H2BC18: variants seen among roughly 807,000 people sequenced by gnomAD.
H2BC18 encodes the protein histone H2B type 2-F.
H2BC18 carries 8 observed loss-of-function variants against 6.3 expected under a neutral mutation model. The ratio of observed to expected loss-of-function variants is 1.28; its 90% confidence interval spans 0.75 to 2.31. The LOEUF (loss-of-function observed/expected upper bound fraction) is 2.31, where lower values mean the gene tolerates loss of function less well. Among genes scored for constraint, H2BC18 ranks in the 30% most tolerant of loss-of-function variants. H2BC18 has a pLI of 0.00. For missense variants in H2BC18, 106 were observed against 174.5 expected, an observed-to-expected ratio of 0.61 and a Z score of 2.21; for synonymous variants, 104 against 78.1, an observed-to-expected ratio of 1.33 and a Z score of -1.75.
intron 1 of H2BC18, chr1:149,790,281 G>A: frequency 2.5e-6 from 4 of 1,587,660 alleles, no homozygotes; most frequent in Non-Finnish European, 3.4e-6. Flanking sequence ...GTGCGAGGCT[G>A]CCACAGAGGA....
intron 1 of H2BC18, chr1:149,803,524 C>CT (rs1254876690): frequency 5.9e-5 from 9 of 152,202 alleles, no homozygotes; most frequent in African/African-American, 2.2e-4. Flanking sequence ...CTAGATATCT[C>CT]TCTCTCCCCC....
intron 1 of H2BC18, chr1:149,789,983 G>C: frequency 6.2e-7 from 1 of 1,612,954 alleles, no homozygotes; most frequent in Non-Finnish European, 8.5e-7. Context: ...AGGGGGTAAA[G>C]GGCATGTCTT....
chr1:149,807,010 G>A (rs587634050), downstream of H2BC18, among the ~76,000 whole-genome samples: 1 of 152,142 alleles, frequency 6.6e-6, no homozygotes, highest in African/African-American at 2.4e-5. Context: ...TGCTTTGTGG[G>A]AAATATAGGA....
At chr1:149,809,969 AAGG>A (rs1246563856), downstream of H2BC18, among the ~76,000 whole-genome samples, 1 of 150,808 alleles carries the variant, frequency 6.6e-6, no homozygotes, top group African/African-American at 2.4e-5. Flanking sequence ...ACAAGTGAAG[AAGG>A]TAAGTTTTGG....
At chr1:149,788,341 T>C in intron 1 of H2BC18, 1 of 1,612,028 alleles carries the variant, frequency 6.2e-7, no homozygotes. Flanking sequence ...ACTGTATACA[T>C]ACATTTTGGG....
chr1:149,797,520 G>A (rs1553752897), intron 1 of H2BC18, among the ~76,000 whole-genome samples: 1 of 152,052 alleles, frequency 6.6e-6, no homozygotes, highest in African/African-American at 2.4e-5. Flanking sequence ...GGAATAGGAA[G>A]GTATGATCTG....
At chr1:149,792,839 G>A (rs1267168499) in intron 1 of H2BC18, 1 of 1,274,540 alleles carries the variant, frequency 7.8e-7, no homozygotes, top group Non-Finnish European at 1.0e-6. Flanking sequence ...GCGGATGGAA[G>A]AGAGCAAGGG....
At position 149,792,955 on chromosome 1, in the gene H2BC18, G is replaced by C. The variant is rs782135374; in HGVS notation, c.378-9695C>G. The stretch of plus-strand genomic sequence containing the variant: ...GGTGTGAAAACCCGGCGGCAGAATG[G>C]AAGTTCGGTAGTCTGCGAGGGCCCG... On this transcript the variant is annotated intron_variant, in intron 1 of 1. Coordinates refer to the H2BC18 transcript ENST00000545683. 5 of 1,275,390 alleles carry C rather than the reference G, an allele frequency of 3.9e-6. No individual in the cohort carries two copies. The South Asian group carries it at 5.0e-5, about 13-fold the overall frequency. The allele number at this position is 1,275,390 out of a possible 1,614,324, so 79.0% of individuals were successfully genotyped here.
downstream of H2BC18, among the ~76,000 whole-genome samples, chr1:149,807,967 T>C (rs2091938582): frequency 6.6e-6 from 1 of 152,106 alleles, no homozygotes; most frequent in African/African-American, 2.4e-5. Context: ...ACTCTGCAGG[T>C]AGGAGGGTGG....
chr1:149,793,246 C>T (rs1553752428), intron 1 of H2BC18: 14 of 1,254,962 alleles, frequency 1.1e-5, no homozygotes, highest in Non-Finnish European at 1.4e-5. Flanking sequence ...GAGGCGGCGG[C>T]GGCAGGGAGG....
rs1553754611 is a variant in H2BC18 at position 149,812,235 on chromosome 1, C to T, written c.89G>A (p.Arg30His). The change falls in exon 1 of 1, where the codon CGC (arginine) becomes CAC (histidine). Residue 30 changes from arginine to histidine, a missense_variant. Arg to His is a conservative substitution (Grantham distance 29). Coordinates refer to ENST00000369167, the MANE Select transcript of H2BC18 (RefSeq NM_001024599.5). ...GTAGCTCTCCTTGCGGCTGCGCTTGCGCTTCTTGCCGTCCTTCTTCTGCAC... is the reference window on the plus strand; with the variant it reads ...GTAGCTCTCCTTGCGGCTGCGCTTGTGCTTCTTGCCGTCCTTCTTCTGCAC... ...TKVQKKDGKKRKRSRKESYSV... is the reference protein window; with the variant it reads ...TKVQKKDGKKHKRSRKESYSV... The T allele has an allele frequency of 1.9e-6, 3 of 1,614,274 alleles. No individual in the cohort carries two copies. The highest frequency in any genetic ancestry group is 1.1e-5 in the South Asian group (1 of 91,092).
intron 1 of H2BC18, among the ~76,000 whole-genome samples, chr1:149,798,614 A>C (rs2091826620): frequency 6.7e-6 from 1 of 149,048 alleles, no homozygotes; most frequent in Non-Finnish European, 1.5e-5. Context: ...TTTTAAACCG[A>C]CTTTAAAAAA....
intron 1 of H2BC18, chr1:149,788,572 G>A (rs1553751187): frequency 6.2e-7 from 1 of 1,613,818 alleles, no homozygotes; most frequent in African/African-American, 1.3e-5. Flanking sequence ...CTCAGGCATG[G>A]GAAAGCATCG....
Position 149,812,227 on chromosome 1 carries a change from T to C in H2BC18, c.97A>G (p.Ser33Gly), listed in dbSNP as rs1553754607. The part of the protein sequence containing the change: ...QKKDGKKRKR[S>G]RKESYSVYVY... Reference sequence around the variant, plus strand: ...TAAACGGAGTAGCTCTCCTTGCGGCTGCGCTTGCGCTTCTTGCCGTCCTTC... The same window carrying C: ...TAAACGGAGTAGCTCTCCTTGCGGCCGCGCTTGCGCTTCTTGCCGTCCTTC... The change falls in exon 1 of 1, where the codon AGC (serine) becomes GGC (glycine). Residue 33 changes from serine to glycine, a missense_variant. Physicochemically the swap from Ser to Gly is moderately conservative, Grantham distance 56. Transcript: ENST00000369167. 2.4e-5 allele frequency: 39 copies of C among 1,614,172 alleles called. No homozygotes were observed. The highest frequency in any genetic ancestry group is 3.3e-5 in the Admixed American group (2 of 60,018).
intron 1 of H2BC18, chr1:149,786,794 GT>G (rs1347080282): frequency 6.6e-6 from 1 of 152,112 alleles, no homozygotes; most frequent in Non-Finnish European, 1.5e-5. Context: ...TTACTTAGAT[GT>G]TTTTTGGAGG....
intron 1 of H2BC18, chr1:149,805,418 G>A (rs2091908649): frequency 6.6e-6 from 1 of 151,922 alleles, no homozygotes; most frequent in South Asian, 2.1e-4. Flanking sequence ...TGTCAATACT[G>A]CCCTTCATAA....
intron 1 of H2BC18, among the ~76,000 whole-genome samples, chr1:149,800,182 G>C (rs587670059): frequency 1.3e-5 from 2 of 152,284 alleles, no homozygotes; most frequent in South Asian, 4.1e-4. Context: ...CAGATGAAAA[G>C]ATGCATAAGG....
In H2BC18 at chr1:149,785,013, A is replaced by T. The variant is rs1390784085; in HGVS notation, c.378-1753T>A. ...GTATCTGTAAGATAATATTCTGGACATGGAATTATTGTCATATTTTAATAA... is the reference window on the plus strand; with the variant it reads ...GTATCTGTAAGATAATATTCTGGACTTGGAATTATTGTCATATTTTAATAA... On this transcript the variant is annotated intron_variant, in intron 1 of 1. Coordinates refer to the H2BC18 transcript ENST00000545683. Among the ~76,000 whole-genome samples the T allele has an allele frequency of 3.3e-5, 5 of 152,346 alleles. No homozygotes were observed. In the South Asian group the frequency reaches 8.3e-4, roughly 25 times the overall value.
At chr1:149,807,734 G>A (rs1553754028), downstream of H2BC18, among the ~76,000 whole-genome samples, 1 of 151,918 alleles carries the variant, frequency 6.6e-6, no homozygotes, top group East Asian at 1.9e-4. Context: ...AACCCGAGAG[G>A]CAAAGGATGC....
Sources: gnomAD v4.1 joint callset for allele counts (sites outside exome capture counted in the v4.1 genomes callset) on GRCh38, gnomAD v4.1.1 for gene constraint, MANE v1.5 for transcripts, NCBI Gene and HGNC (gene_info 2026-07-23, HGNC 2026-07-21) for gene names.